Variants in RPS6KA2 observed in about 807,000 individuals in gnomAD.
RPS6KA2 encodes the protein ribosomal protein S6 kinase A2, also known as ribosomal protein S6 kinase alpha-2.
RPS6KA2 carries 42 observed loss-of-function variants against 91.8 expected under a neutral mutation model. The ratio of observed to expected loss-of-function variants is 0.46; its 90% CI spans 0.36 to 0.59. The LOEUF (loss-of-function observed/expected upper bound fraction) is 0.59, where lower values mean the gene tolerates loss of function less well. Ranked by LOEUF, RPS6KA2 falls within the 20% of genes least tolerant of loss-of-function variation. The probability of loss-of-function intolerance (pLI) is 0.00; values close to 1 mark genes in which losing one functional copy is unlikely to be tolerated. For missense variants in RPS6KA2, 798 were observed against 978.5 expected (o/e 0.82, Z 2.46); for synonymous variants, 414 against 393.6 (o/e 1.05, Z -0.61).
intron 1 of RPS6KA2, among the ~76,000 whole-genome samples, chr6:166,555,080 A>G (rs1784140002): frequency 6.6e-6 from 1 of 152,234 alleles, no homozygotes; most frequent in Non-Finnish European, 1.5e-5. Flanking sequence ...AACCAGGAAC[A>G]TACATCCTAA....
Position 166,444,790 on chromosome 6 carries a change from A to G in RPS6KA2, c.1332+3934T>C, listed in dbSNP as rs1023174717. ...CCACGTGAATTGAGCCCCTGCTCTAAGCTGGGCACTGTGTTGGAGACTGCG... is the reference window on the plus strand; with the variant it reads ...CCACGTGAATTGAGCCCCTGCTCTAGGCTGGGCACTGTGTTGGAGACTGCG... On this transcript the variant is annotated intron_variant, in intron 14 of 20. Coordinates refer to ENST00000265678, the MANE Select transcript of RPS6KA2 (RefSeq NM_021135.6). 2.6e-5 allele frequency among the ~76,000 whole-genome samples: 4 copies of G among 152,248 alleles called. No individual in the cohort carries two copies. In the East Asian group the frequency reaches 7.7e-4, roughly 29 times the overall value.
chr6:166,415,663 C>A (rs6934944), intron 19 of RPS6KA2, among the ~76,000 whole-genome samples: 110,390 of 152,006 alleles, frequency 0.73, 41,150 homozygotes, highest in African/African-American at 0.89. Flanking sequence ...CTTCCAGACA[C>A]ACCACCAGCA....
At chr6:166,789,288 C>T (rs1296699022) in intron 2 of RPS6KA2, among the ~76,000 whole-genome samples, 1 of 152,214 alleles carries the variant, frequency 6.6e-6, no homozygotes, top group African/African-American at 2.4e-5. Flanking sequence ...GATCAAACTG[C>T]AAGGCTGCAT....
intron 2 of RPS6KA2, among the ~76,000 whole-genome samples, chr6:166,829,980 T>G (rs1243665191): frequency 2.6e-5 from 4 of 151,398 alleles, no homozygotes; most frequent in Admixed American, 6.6e-5. Flanking sequence ...ACAAAAACTA[T>G]CTGGGCGTAG....
chr6:166,669,770 A>G (rs1788419057), intron 2 of RPS6KA2, among the ~76,000 whole-genome samples: 1 of 152,100 alleles, frequency 6.6e-6, no homozygotes, highest in Non-Finnish European at 1.5e-5. Flanking sequence ...GTGAAAGACA[A>G]GATTCTGGCT....
chr6:166,537,823 C>T (rs575330660), intron 2 of RPS6KA2, among the ~76,000 whole-genome samples: 94 of 152,330 alleles, frequency 6.2e-4, no homozygotes, highest in Middle Eastern at 3.4e-3. Flanking sequence ...ATTTCAGGCC[C>T]TTATGTTCTA....
intron 2 of RPS6KA2, among the ~76,000 whole-genome samples, chr6:166,655,851 C>G (rs9356506): frequency 0.25 from 38,366 of 152,124 alleles, 4,925 homozygotes; most frequent in South Asian, 0.34. Context: ...CTCAGCGACT[C>G]CACCTCAGGA....
At chr6:166,735,004 T>C (rs757886966) in intron 2 of RPS6KA2, among the ~76,000 whole-genome samples, 8 of 152,192 alleles carry the variant, frequency 5.3e-5, no homozygotes, top group Non-Finnish European at 7.3e-5. Context: ...TCTATAGCCT[T>C]GCACTGCCAC....
At chr6:166,507,393 C>CA (rs1382381103) in intron 5 of RPS6KA2, among the ~76,000 whole-genome samples, 1 of 148,250 alleles carries the variant, frequency 6.7e-6, no homozygotes, top group African/African-American at 2.5e-5. Context: ...CACACACCCA[C>CA]CCCACATCAC....
intron 2 of RPS6KA2, among the ~76,000 whole-genome samples, chr6:166,727,695 C>A (rs1790383898): frequency 6.6e-6 from 1 of 152,124 alleles, no homozygotes; most frequent in South Asian, 2.1e-4. Flanking sequence ...GTCACCAGCA[C>A]CCTAAAATAT....
intron 2 of RPS6KA2, among the ~76,000 whole-genome samples, chr6:166,695,565 C>G (rs374438215): frequency 1.3e-5 from 2 of 152,232 alleles, no homozygotes; most frequent in Non-Finnish European, 2.9e-5. Context: ...AGGTCCATGG[C>G]TTGTAGGAAC....
chr6:166,711,747 G>A (rs1021217247), intron 2 of RPS6KA2, among the ~76,000 whole-genome samples: 5 of 150,146 alleles, frequency 3.3e-5, no homozygotes, highest in Non-Finnish European at 7.4e-5. Context: ...GCAAGCATAA[G>A]AAAGAACATA....
In RPS6KA2 at chr6:166,699,697, G is replaced by C. The variant is rs138699915; in HGVS notation, c.123+158503C>G. Among the ~76,000 whole-genome samples the C allele has an allele frequency of 5.3e-5, 8 of 152,274 alleles. No individual in the cohort carries two copies. In the East Asian group the frequency reaches 1.4e-3, roughly 26 times the overall value. Reference sequence around the variant, plus strand: ...CTGTCAAGTTAAGGAGTGAGCAAATGAGTTCGGTATCAAAGGTCATATGTT... The same window carrying C: ...CTGTCAAGTTAAGGAGTGAGCAAATCAGTTCGGTATCAAAGGTCATATGTT... On this transcript the variant is annotated intron_variant, in intron 2 of 21. Transcript: ENST00000503859.
intron 10 of RPS6KA2, among the ~76,000 whole-genome samples, chr6:166,474,204 A>G (rs1482051675): frequency 6.6e-6 from 1 of 152,194 alleles, no homozygotes; most frequent in Non-Finnish European, 1.5e-5. Context: ...AGGCAGTCCC[A>G]GCAATGCCAG....
At chr6:166,613,686 C>T (rs959430738) in intron 1 of RPS6KA2, among the ~76,000 whole-genome samples, 3 of 152,236 alleles carry the variant, frequency 2.0e-5, no homozygotes, top group African/African-American at 7.2e-5. Flanking sequence ...GCACGCATCA[C>T]CCAAAGGATC....
At chr6:166,501,020 G>A (rs1264600018) in intron 6 of RPS6KA2, 96 bp from the exon 7 acceptor site, 4 of 1,189,634 alleles carry the variant, frequency 3.4e-6, no homozygotes, top group Admixed American at 1.9e-5. Flanking sequence ...GCAGCTGGGG[G>A]CGGACGTTTT....
chr6:166,776,609 G>A (rs1341322996), intron 2 of RPS6KA2, among the ~76,000 whole-genome samples: 11 of 152,280 alleles, frequency 7.2e-5, no homozygotes, highest in Admixed American at 5.9e-4. Context: ...AATCCGTGCC[G>A]TCTCTGTGGG....
intron 2 of RPS6KA2, among the ~76,000 whole-genome samples, chr6:166,796,827 C>T (rs371778028): frequency 4.0e-5 from 6 of 150,770 alleles, no homozygotes; most frequent in South Asian, 2.1e-4. Context: ...AGTGCACGCA[C>T]GTGGCACAGT....
chr6:166,564,186 T>C (rs1456207253), intron 1 of RPS6KA2, among the ~76,000 whole-genome samples: 1 of 152,238 alleles, frequency 6.6e-6, no homozygotes, highest in Non-Finnish European at 1.5e-5. Flanking sequence ...TGAGTTTTCA[T>C]AGTTCTTTCC....
Sources: allele counts gnomAD v4.1 joint callset (sites outside exome capture counted in the v4.1 genomes callset), GRCh38; gene constraint gnomAD v4.1.1; transcripts MANE v1.5; gene names NCBI Gene and HGNC (gene_info 2026-07-23, HGNC 2026-07-21).